Variants in PKHD1 observed in about 807,000 individuals in gnomAD.
PKHD1 encodes the protein PKHD1 ciliary IPT domain containing fibrocystin/polyductin.
PKHD1 carries 291 observed loss-of-function variants against 412.0 expected under a neutral mutation model. That is an observed-to-expected ratio of 0.71 (90% CI 0.64 to 0.78). PKHD1 has a LOEUF of 0.78. Among genes scored for constraint, PKHD1 ranks in the 30% least tolerant of loss-of-function variants. The probability of loss-of-function intolerance (pLI) is 0.00; values close to 1 mark genes in which losing one functional copy is unlikely to be tolerated. For missense variants in PKHD1, 4,825 were observed against 4,950.7 expected (o/e 0.97, Z 0.76); for synonymous variants, 1,777 against 1,821.5 (o/e 0.98, Z 0.62).
intron 60 of PKHD1, among the ~76,000 whole-genome samples, chr6:51,677,511 G>C (rs748539402): frequency 6.6e-6 from 1 of 152,142 alleles, no homozygotes; most frequent in Non-Finnish European, 1.5e-5. Context: ...CAGATCATAG[G>C]ATCTGTCACA....
chr6:51,671,116 T>A (rs1459739771), intron 60 of PKHD1, among the ~76,000 whole-genome samples: 1 of 152,168 alleles, frequency 6.6e-6, no homozygotes, highest in African/African-American at 2.4e-5. Flanking sequence ...TTGGGGAAGT[T>A]CTCCTGGATA....
At chr6:51,744,041 G>T (rs1175628247) in intron 60 of PKHD1, among the ~76,000 whole-genome samples, 1 of 152,206 alleles carries the variant, frequency 6.6e-6, no homozygotes, top group Non-Finnish European at 1.5e-5. Context: ...CTGGTTCCAT[G>T]GCAGACCAGT....
rs760345028 is a variant in PKHD1 at position 51,753,184 on chromosome 6, C to T, written c.8950+17G>A. 1.2e-6 allele frequency: 2 copies of T among 1,612,468 alleles called. No individual in the cohort carries two copies. Among genetic ancestry groups the T allele is most frequent in the Non-Finnish European group, 1.7e-6 (2 of 1,178,658 alleles). The stretch of plus-strand genomic sequence containing the variant: ...GGCTCCAACTGGTAATGGCCAATTA[C>T]TTAAAATTTCATTTACCTGAAAATT... On this transcript the variant is annotated intron_variant, in intron 57 of 66. Transcript: ENST00000371117.
At chr6:51,692,136 T>A (rs771066336) in intron 60 of PKHD1, among the ~76,000 whole-genome samples, 3 of 152,046 alleles carry the variant, frequency 2.0e-5, no homozygotes, top group Non-Finnish European at 4.4e-5. Context: ...CTCCTCCCAA[T>A]CTCTCAACCT....
chr6:52,065,938 A>G, intron 12 of PKHD1, 38 bp downstream of exon 12: 1 of 998,754 alleles, frequency 1.0e-6, no homozygotes, highest in South Asian at 1.3e-5. Context: ...AGAGCATCTA[A>G]AACTATGAAC....
chr6:52,078,660 T>C lies in PKHD1; in HGVS notation c.390+1240A>G, dbSNP rs1811640948. Among the ~76,000 whole-genome samples, 2 of 152,188 alleles carry C rather than the reference T, an allele frequency of 1.3e-5. 1 individual carries two copies. Among genetic ancestry groups the C allele is most frequent in the Admixed American group, 1.3e-4 (2 of 15,280 alleles). ...ACTGACGGACTTGTTTTCTTTCATG[T>C]GCAATTTTAGGAAACGTTTCTCTTA... On this transcript the variant is annotated intron_variant, in intron 5 of 66. Transcript: ENST00000371117.
intron 46 of PKHD1, among the ~76,000 whole-genome samples, chr6:51,874,456 T>C (rs1316074895): frequency 2.0e-5 from 3 of 152,152 alleles, no homozygotes; most frequent in African/African-American, 4.8e-5. Flanking sequence ...AAAGGTAACA[T>C]TGGCTGTGAG....
In PKHD1 at chr6:52,053,362, G is replaced by C. The variant is rs1295350007; in HGVS notation, c.1965-111C>G. ...GCCTGTGAGCTATGCAGCCAGGAGA[G>C]AGACCCCATGAACCCCTGCACCCAA... On this transcript the variant is annotated intron_variant, in intron 20 of 66. Transcript: ENST00000371117. 6.4e-6 allele frequency: 7 copies of C among 1,087,566 alleles called. No homozygotes were observed. In the African/African-American group the frequency reaches 7.8e-5, roughly 12 times the overall value. The allele number at this position is 1,087,566 out of a possible 1,614,324, so 67.4% of individuals were successfully genotyped here.
chr6:51,753,863 C>T (rs935974733), intron 56 of PKHD1, among the ~76,000 whole-genome samples: 1 of 152,204 alleles, frequency 6.6e-6, no homozygotes, highest in Admixed American at 6.5e-5. Context: ...CCACTCATCA[C>T]GGCCTGAACA....
At chr6:51,999,361 T>A (rs528045352) in intron 35 of PKHD1, among the ~76,000 whole-genome samples, 10 of 152,282 alleles carry the variant, frequency 6.6e-5, no homozygotes, top group African/African-American at 2.2e-4. Flanking sequence ...GAGTTTTTGT[T>A]TTTGTTTTTT....
At chr6:51,916,464 T>C (rs1759993925) in intron 37 of PKHD1, among the ~76,000 whole-genome samples, 3 of 152,152 alleles carry the variant, frequency 2.0e-5, no homozygotes, top group Non-Finnish European at 4.4e-5. Flanking sequence ...TATATGGTAA[T>C]AGATATCAGC....
chr6:52,069,381 G>A (rs1810243653), intron 11 of PKHD1, 76 bp downstream of exon 11: 1 of 1,044,204 alleles, frequency 9.6e-7, no homozygotes. Context: ...TCAAGAAATG[G>A]CCAAAAGATA....
chr6:51,804,080 C>A (rs1763337609), intron 52 of PKHD1, among the ~76,000 whole-genome samples: 1 of 151,316 alleles, frequency 6.6e-6, no homozygotes, highest in Non-Finnish European at 1.5e-5. Flanking sequence ...GTGATACCCA[C>A]CAAAATGATC....
intron 61 of PKHD1, among the ~76,000 whole-genome samples, chr6:51,653,531 C>T (rs191661066): frequency 9.9e-4 from 150 of 152,270 alleles, no homozygotes; most frequent in African/African-American, 3.5e-3. Flanking sequence ...ACTTCACATT[C>T]TGGGGCACTC....
chr6:52,016,961 G>A (rs1028210281), intron 34 of PKHD1, among the ~76,000 whole-genome samples: 6 of 152,108 alleles, frequency 3.9e-5, no homozygotes, highest in African/African-American at 1.4e-4. Context: ...TTCCGCCTAT[G>A]CAACCCTCCT....
At chr6:51,715,186 C>A (rs1399309014) in intron 60 of PKHD1, among the ~76,000 whole-genome samples, 1 of 151,824 alleles carries the variant, frequency 6.6e-6, no homozygotes, top group African/African-American at 2.4e-5. Context: ...TTTCTGAAAG[C>A]AACTTCCAAA....
chr6:51,894,298 G>T (rs1779556065), intron 43 of PKHD1, among the ~76,000 whole-genome samples: 1 of 152,120 alleles, frequency 6.6e-6, no homozygotes, highest in South Asian at 2.1e-4. Flanking sequence ...AATGCCACAG[G>T]CCCCTGGAGA....
chr6:51,842,557 A>G (rs1406337386), intron 50 of PKHD1, among the ~76,000 whole-genome samples: 1 of 152,080 alleles, frequency 6.6e-6, no homozygotes, highest in African/African-American at 2.4e-5. Flanking sequence ...TGAATAATCA[A>G]CTCAAGATTG....
chr6:51,830,325 T>C (rs1398145061), intron 52 of PKHD1, among the ~76,000 whole-genome samples: 1 of 152,146 alleles, frequency 6.6e-6, no homozygotes, highest in Non-Finnish European at 1.5e-5. Context: ...TTTTATAACG[T>C]GTATACTGGA....
Sources: allele counts gnomAD v4.1 joint callset (sites outside exome capture counted in the v4.1 genomes callset), GRCh38; gene constraint gnomAD v4.1.1; transcripts MANE v1.5; gene names NCBI Gene and HGNC (gene_info 2026-07-23, HGNC 2026-07-21).